The following VRK2 variants were observed in gnomAD, a reference collection of about 807,000 sequenced individuals.
The protein encoded by VRK2 is serine/threonine-protein kinase VRK2.
Under a neutral mutation model 57.6 loss-of-function variants are expected in VRK2, and 60 were observed. That is an observed-to-expected ratio of 1.04 (90% CI 0.85 to 1.29). VRK2 has a LOEUF of 1.29. Ranked by LOEUF, VRK2 falls within the 50% of genes most tolerant of loss-of-function variation. The probability of loss-of-function intolerance (pLI) is 0.00; values close to 1 mark genes in which losing one functional copy is unlikely to be tolerated. For missense variants in VRK2, 705 were observed against 588.1 expected, an observed-to-expected ratio of 1.20 and a Z score of -2.06; for synonymous variants, 231 against 199.2, an observed-to-expected ratio of 1.16 and a Z score of -1.35.
chr2:58,136,959 ATATATATCATATAT>A (rs1558685307), intron 10 of VRK2, among the ~76,000 whole-genome samples: 1 of 132,652 alleles, frequency 7.5e-6, no homozygotes, highest in Non-Finnish European at 1.5e-5. Flanking sequence ...ATATATGTGT[ATATATATCATATAT>A]TATATATCAT....
intron 7 of VRK2, among the ~76,000 whole-genome samples, chr2:58,117,214 T>C (rs1676652581): frequency 6.6e-6 from 1 of 152,170 alleles, no homozygotes; most frequent in Non-Finnish European, 1.5e-5. Flanking sequence ...GGCTGGGTTT[T>C]TATATTTGAT....
Position 57,967,161 on chromosome 2 carries a change from G to A in VRK2, c.-438-58504G>A, listed in dbSNP as rs142543139. 4.5e-3 allele frequency among the ~76,000 whole-genome samples: 691 copies of A among 152,188 alleles called. 3 individuals carry two copies. Among genetic ancestry groups the A allele is most frequent in the Middle Eastern group, 0.034 (10 of 294 alleles). The stretch of plus-strand genomic sequence containing the variant: ...ACACCGCATGTTCTCACTCCTAAGC[G>A]GGAGTTAAACAATGAGAACACATGG... On this transcript the variant is annotated intron_variant, in intron 1 of 15. Transcript: ENST00000417641.
intron 1 of VRK2, among the ~76,000 whole-genome samples, chr2:57,909,368 C>A (rs1421694107): frequency 6.6e-6 from 1 of 152,082 alleles, no homozygotes; most frequent in Non-Finnish European, 1.5e-5. Context: ...CATAGCATCA[C>A]TATGGAGATT....
At chr2:58,112,584 A>AAG (rs1553411193) in intron 7 of VRK2, among the ~76,000 whole-genome samples, 2 of 151,736 alleles carry the variant, frequency 1.3e-5, no homozygotes, top group African/African-American at 4.9e-5. Context: ...AGGAAAAAAA[A>AAG]AAAAGGCCTA....
upstream of VRK2, among the ~76,000 whole-genome samples, chr2:58,042,404 G>T (rs1028864953): frequency 1.3e-5 from 2 of 152,126 alleles, no homozygotes; most frequent in Non-Finnish European, 2.9e-5. Context: ...TTTAGAGATT[G>T]TAAGTTTATG....
intron 2 of VRK2, among the ~76,000 whole-genome samples, chr2:58,080,998 T>C (rs1212836147): frequency 6.6e-6 from 1 of 151,970 alleles, no homozygotes; most frequent in Non-Finnish European, 1.5e-5. Context: ...ATGCTGCCCA[T>C]TAAACTATGA....
chr2:58,085,088 A>T (rs1671432851), intron 4 of VRK2, 138 bp downstream of exon 4: 1 of 694,544 alleles, frequency 1.4e-6, no homozygotes. Context: ...GTTAACTGTT[A>T]CAACATATAA....
intron 3 of VRK2, 133 bp downstream of exon 3, chr2:58,084,271 T>A: frequency 2.2e-6 from 2 of 908,136 alleles, no homozygotes; most frequent in Non-Finnish European, 3.1e-6. Context: ...TGTTTTGACG[T>A]TGTTAAAACA....
At chr2:57,983,665 G>A (rs1449441062) in intron 1 of VRK2, among the ~76,000 whole-genome samples, 1 of 152,140 alleles carries the variant, frequency 6.6e-6, no homozygotes, top group African/African-American at 2.4e-5. Context: ...TCAATAAGAG[G>A]GAATTAGAGC....
intron 8 of VRK2, among the ~76,000 whole-genome samples, chr2:58,128,442 C>T (rs1391700577): frequency 6.6e-6 from 1 of 152,254 alleles, no homozygotes; most frequent in African/African-American, 2.4e-5. Context: ...AGCAATTCTC[C>T]TGCCTCTGCC....
intron 1 of VRK2, among the ~76,000 whole-genome samples, chr2:57,943,969 T>C (rs1179012359): frequency 6.6e-6 from 1 of 152,196 alleles, no homozygotes; most frequent in East Asian, 1.9e-4. Flanking sequence ...AATGGGTGTA[T>C]CTGTGTTCAA....
chr2:58,044,395 T>A (rs1442232122), upstream of VRK2, among the ~76,000 whole-genome samples: 1 of 152,220 alleles, frequency 6.6e-6, no homozygotes, highest in Admixed American at 6.5e-5. Flanking sequence ...CATGGTTCAT[T>A]TATTCATTGA....
chr2:58,004,198 C>G (rs80005173), intron 1 of VRK2, among the ~76,000 whole-genome samples: 6,647 of 152,146 alleles, frequency 0.044, 170 homozygotes, highest in Middle Eastern at 0.075. Flanking sequence ...CACACACACA[C>G]AAACACACAC....
intron 10 of VRK2, among the ~76,000 whole-genome samples, chr2:58,135,998 A>G (rs940295860): frequency 6.6e-6 from 1 of 152,138 alleles, no homozygotes; most frequent in Non-Finnish European, 1.5e-5. Context: ...GTTAGCTTTG[A>G]GCTGACTTCT....
chr2:57,982,988 C>T (rs1431278724), intron 1 of VRK2, among the ~76,000 whole-genome samples: 1 of 152,124 alleles, frequency 6.6e-6, no homozygotes. Context: ...GTCCATGGAC[C>T]ACGCCACACT....
At chr2:58,089,219 G>A (rs1453420538) in intron 6 of VRK2, among the ~76,000 whole-genome samples, 1 of 152,126 alleles carries the variant, frequency 6.6e-6, no homozygotes, top group Non-Finnish European at 1.5e-5. Context: ...ATGGCATTTT[G>A]TTCTGAGATT....
At chr2:58,100,644 A>G (rs1337881113) in intron 7 of VRK2, among the ~76,000 whole-genome samples, 2 of 151,808 alleles carry the variant, frequency 1.3e-5, no homozygotes, top group Admixed American at 6.6e-5. Context: ...TAATAGGATT[A>G]TTTTAAAATT....
intron 1 of VRK2, among the ~76,000 whole-genome samples, chr2:58,008,350 T>C (rs576772730): frequency 4.1e-4 from 62 of 151,220 alleles, no homozygotes; most frequent in South Asian, 4.0e-3. Flanking sequence ...AACAGGAAGA[T>C]GAAAAGGAAG....
At chr2:57,996,115 T>C (rs1412867800) in intron 1 of VRK2, among the ~76,000 whole-genome samples, 1 of 152,368 alleles carries the variant, frequency 6.6e-6, no homozygotes, top group African/African-American at 2.4e-5. Flanking sequence ...ATAAGTTATA[T>C]GCAAATACTA....
Sources: gnomAD v4.1 joint callset for allele counts (sites outside exome capture counted in the v4.1 genomes callset) on GRCh38, gnomAD v4.1.1 for gene constraint, MANE v1.5 for transcripts, NCBI Gene and HGNC (gene_info 2026-07-23, HGNC 2026-07-21) for gene names.